FRMD4A: variants seen among roughly 807,000 people sequenced by gnomAD.
FRMD4A encodes FERM domain-containing protein 4A.
FRMD4A carries 29 observed loss-of-function variants against 129.1 expected under a neutral mutation model. The observed-to-expected ratio is 0.22, with a 90% CI of 0.17 to 0.31. FRMD4A has a LOEUF of 0.31. FRMD4A is among the 10% of genes least tolerant of loss of function. The pLI is 1.00. For missense variants in FRMD4A, 1,272 were observed against 1,375.8 expected (o/e 0.92, Z 1.19); for synonymous variants, 634 against 571.6 (o/e 1.11, Z -1.56).
chr10:14,293,143 C>T (rs934288104), intron 2 of FRMD4A, among the ~76,000 whole-genome samples: 3 of 152,188 alleles, frequency 2.0e-5, no homozygotes, highest in African/African-American at 4.8e-5. Context: ...ATCTCCAATG[C>T]AACAGTGTTG....
At chr10:13,765,113 T>G (rs149675983) in intron 6 of FRMD4A, among the ~76,000 whole-genome samples, 21,708 of 83,650 alleles carry the variant, frequency 0.26, 2,145 homozygotes, top group Non-Finnish European at 0.35. Flanking sequence ...TTTTTTTTTT[T>G]GTTTTTTTTT....
chr10:13,783,923 T>G (rs544670418), intron 5 of FRMD4A, among the ~76,000 whole-genome samples: 2 of 152,340 alleles, frequency 1.3e-5, no homozygotes, highest in Admixed American at 1.3e-4. Context: ...CTTTATAATA[T>G]TGACTTTGGA....
chr10:14,157,393 T>C (rs974808467), intron 2 of FRMD4A, among the ~76,000 whole-genome samples: 6 of 152,186 alleles, frequency 3.9e-5, no homozygotes, highest in Admixed American at 3.9e-4. Context: ...ACGGCACGAA[T>C]TTAGGAGGTA....
chr10:14,114,065 G>A (rs1838071940), intron 2 of FRMD4A, among the ~76,000 whole-genome samples: 1 of 152,188 alleles, frequency 6.6e-6, no homozygotes, highest in Non-Finnish European at 1.5e-5. Context: ...ACACGTACTT[G>A]TGGGTATGGC....
chr10:13,917,965 C>G (rs1456972226), intron 2 of FRMD4A, among the ~76,000 whole-genome samples: 3 of 152,174 alleles, frequency 2.0e-5, no homozygotes, highest in African/African-American at 7.2e-5. Flanking sequence ...GCACTGTCAA[C>G]TGTAAATCAC....
Position 13,959,471 on chromosome 10 carries a change from T to TAAAAA in FRMD4A, c.46-100564_46-100560dup, listed in dbSNP as rs56192445. On this transcript the variant is annotated intron_variant, in intron 2 of 24. Coordinates refer to ENST00000357447, the MANE Select transcript of FRMD4A (RefSeq NM_018027.5). The stretch of plus-strand genomic sequence containing the variant: ...CGGGTGACAGAGCAAGACTGTTTCA[T>TAAAAA]AAAAAAAAAAAAAAAAAAAAAAAAA... Among the ~76,000 whole-genome samples, 43 of 53,122 alleles carry TAAAAA rather than the reference T, an allele frequency of 8.1e-4. 1 individual carries two copies. Among genetic ancestry groups the TAAAAA allele is most frequent in the African/African-American group, 3.2e-3 (42 of 13,036 alleles). The allele number at this position is 53,122 out of a possible 152,430, so 34.9% of individuals were successfully genotyped here.
intron 2 of FRMD4A, among the ~76,000 whole-genome samples, chr10:13,925,520 G>A (rs1353274436): frequency 7.5e-6 from 1 of 134,122 alleles, no homozygotes; most frequent in African/African-American, 2.8e-5. Flanking sequence ...TCCATTTTCA[G>A]TGTAACAATA....
chr10:14,242,503 TA>T (rs549572294), intron 2 of FRMD4A, among the ~76,000 whole-genome samples: 3 of 152,190 alleles, frequency 2.0e-5, no homozygotes, highest in African/African-American at 4.8e-5. Flanking sequence ...TTAATGGTAA[TA>T]AAAAATGACA....
intron 2 of FRMD4A, among the ~76,000 whole-genome samples, chr10:14,179,002 T>C (rs1841823755): frequency 6.6e-6 from 1 of 152,102 alleles, no homozygotes; most frequent in Non-Finnish European, 1.5e-5. Context: ...TATTTTGATG[T>C]CAAAAAAGAG....
chr10:14,002,208 G>C (rs11593050), intron 2 of FRMD4A, among the ~76,000 whole-genome samples: 5,483 of 152,190 alleles, frequency 0.036, 116 homozygotes, highest in Middle Eastern at 0.065. Context: ...TGGAATAATT[G>C]TGATAAAAGA....
At chr10:13,782,078 C>T (rs1053736019) in intron 6 of FRMD4A, among the ~76,000 whole-genome samples, 4 of 152,084 alleles carry the variant, frequency 2.6e-5, no homozygotes, top group Non-Finnish European at 5.9e-5. Context: ...CCCCAAAAAC[C>T]TATGGAAATA....
intron 2 of FRMD4A, among the ~76,000 whole-genome samples, chr10:14,155,795 G>C (rs1041338057): frequency 1.3e-5 from 2 of 152,304 alleles, no homozygotes; most frequent in East Asian, 3.9e-4. Flanking sequence ...CTCTTTACTC[G>C]CATTTTCAGA....
chr10:14,243,537 A>T (rs531576395), intron 2 of FRMD4A, among the ~76,000 whole-genome samples: 2 of 152,300 alleles, frequency 1.3e-5, no homozygotes, highest in East Asian at 3.9e-4. Flanking sequence ...ATAAACTAAT[A>T]CAACCAGTCA....
chr10:13,760,690 T>C (rs1457986447), intron 8 of FRMD4A, among the ~76,000 whole-genome samples: 2 of 152,130 alleles, frequency 1.3e-5, no homozygotes, highest in Admixed American at 6.5e-5. Context: ...CCTCAAAGCA[T>C]GGGGAAACAG....
chr10:14,118,832 A>G (rs554672195), intron 2 of FRMD4A, among the ~76,000 whole-genome samples: 2 of 152,226 alleles, frequency 1.3e-5, no homozygotes, highest in Non-Finnish European at 2.9e-5. Context: ...GGATTATTAC[A>G]ATTCAAGGTG....
intron 3 of FRMD4A, among the ~76,000 whole-genome samples, chr10:13,826,844 T>C (rs2093708296): frequency 5.3e-5 from 8 of 152,190 alleles, no homozygotes; most frequent in Admixed American, 5.2e-4. Flanking sequence ...AGCATTTTCA[T>C]GAAAGTCAGG....
At chr10:14,280,190 T>C (rs1845472739) in intron 2 of FRMD4A, among the ~76,000 whole-genome samples, 1 of 152,158 alleles carries the variant, frequency 6.6e-6, no homozygotes, top group African/African-American at 2.4e-5. Context: ...GCAAAGCGGA[T>C]GGGGGCAGAG....
At chr10:13,784,391 C>T (rs1489767520) in intron 5 of FRMD4A, among the ~76,000 whole-genome samples, 2 of 145,980 alleles carry the variant, frequency 1.4e-5, no homozygotes, top group South Asian at 4.4e-4. Flanking sequence ...ACAATGTAAA[C>T]AACAACAGCA....
intron 17 of FRMD4A, among the ~76,000 whole-genome samples, chr10:13,666,571 A>G (rs2083054267): frequency 1.3e-5 from 2 of 152,206 alleles, no homozygotes; most frequent in Admixed American, 1.3e-4. Context: ...CAGAGTTCCC[A>G]CGATGCAGGT....
Sources: allele counts gnomAD v4.1 joint callset (sites outside exome capture counted in the v4.1 genomes callset), GRCh38; gene constraint gnomAD v4.1.1; transcripts MANE v1.5; gene names NCBI Gene and HGNC (gene_info 2026-07-23, HGNC 2026-07-21).